ATP5MG: variants seen among roughly 807,000 people sequenced by gnomAD.
ATP5MG encodes the protein ATP synthase membrane subunit g, also known as ATP synthase F(0) complex subunit g, mitochondrial.
A neutral mutation model predicts 12.7 loss-of-function variants in ATP5MG; 7 were observed. That is an observed-to-expected ratio of 0.55 (90% confidence interval 0.31 to 1.04). The LOEUF is 1.04. Among genes scored for constraint, ATP5MG ranks in the 50% least tolerant of loss-of-function variants. The pLI, the probability that ATP5MG is intolerant of heterozygous loss-of-function variation, is 0.05. For missense variants in ATP5MG, 116 were observed against 126.7 expected, an observed-to-expected ratio of 0.92 and a Z score of 0.41; for synonymous variants, 53 against 48.2, an observed-to-expected ratio of 1.10 and a Z score of -0.41.
intron 1 of ATP5MG, among the ~76,000 whole-genome samples, chr11:118,404,361 G>A (rs1359965156): frequency 1.3e-5 from 2 of 152,014 alleles, no homozygotes; most frequent in Non-Finnish European, 2.9e-5. Context: ...ATCCAATCCA[G>A]TGTACCACAT....
chr11:118,401,943 C>A lies in ATP5MG; in HGVS notation c.52+226C>A, dbSNP rs887998694. On this transcript the variant is annotated intron_variant, in intron 1 of 2. Transcript: ENST00000300688. The stretch of plus-strand genomic sequence containing the variant: ...TACACAACCTAGAAGTTCCTGAATT[C>A]TAACCACGACTGGGAAGAGAGGTAG... 12 of 527,288 alleles carry A rather than the reference C, an allele frequency of 2.3e-5. No individual in the cohort carries two copies. In the South Asian group the frequency reaches 3.0e-4, roughly 13 times the overall value. The allele number at this position is 527,288 out of a possible 1,614,324, so 32.7% of individuals were successfully genotyped here. A position where few individuals can be genotyped will look rare whatever the true frequency, so the allele number is the denominator to read the frequency against.
At chr11:118,407,318 A>ATTT in intron 2 of ATP5MG, 1 of 657,866 alleles carries the variant, frequency 1.5e-6, no homozygotes, top group East Asian at 3.5e-5. Flanking sequence ...AAGAGTCTTA[A>ATTT]ACCTAGCAAA....
chr11:118,403,048 A>G (rs910780526), intron 1 of ATP5MG, among the ~76,000 whole-genome samples: 1 of 152,100 alleles, frequency 6.6e-6, no homozygotes, highest in African/African-American at 2.4e-5. Context: ...CAGCCAAACT[A>G]TGAGTTATTG....
Position 118,409,125 on chromosome 11 carries a change from T to A in ATP5MG, c.*27T>A. Reference sequence around the variant, plus strand: ...GACCAATCTTTAACATCTGATTATATTTGATTTATTATTTGAGTGTTGTTG... The same window carrying A: ...GACCAATCTTTAACATCTGATTATAATTGATTTATTATTTGAGTGTTGTTG... On this transcript the variant is annotated 3_prime_UTR_variant, in exon 3 of 3. Transcript: ENST00000300688. The A allele has an allele frequency of 6.7e-7, 1 of 1,493,990 alleles. No homozygotes were observed. The highest frequency in any genetic ancestry group is 9.2e-7 in the Non-Finnish European group (1 of 1,090,304). 92.5% of individuals were successfully genotyped at this position (1,493,990 alleles called of 1,614,324 possible). A position where few individuals can be genotyped will look rare whatever the true frequency, so the allele number is the denominator to read the frequency against.
At chr11:118,405,599 T>C (rs1555131971) in intron 1 of ATP5MG, 2 of 916,562 alleles carry the variant, frequency 2.2e-6, no homozygotes, top group Non-Finnish European at 1.3e-6. Flanking sequence ...GGAGATAATA[T>C]TGACAATTGA....
intron 1 of ATP5MG, among the ~76,000 whole-genome samples, chr11:118,404,751 C>T (rs1363184355): frequency 2.0e-4 from 31 of 152,198 alleles, no homozygotes; most frequent in African/African-American, 7.5e-4. Context: ...AAGCAAATAA[C>T]TAAGCCTATC....
chr11:118,406,597 G>A (rs1948973714), intron 1 of ATP5MG: 1 of 228,400 alleles, frequency 4.4e-6, no homozygotes, highest in Admixed American at 5.0e-5. Context: ...CTGTTCTCTT[G>A]TTTTTAAATC....
intron 1 of ATP5MG, among the ~76,000 whole-genome samples, chr11:118,402,664 G>A (rs1336703105): frequency 2.0e-5 from 3 of 147,460 alleles, no homozygotes; most frequent in African/African-American, 7.5e-5. Flanking sequence ...CTGTGTTTGA[G>A]TTTGGTTTGG....
intron 2 of ATP5MG, among the ~76,000 whole-genome samples, chr11:118,407,810 G>C (rs1948985528): frequency 6.6e-6 from 1 of 151,878 alleles, no homozygotes. Context: ...AGTTAGAGGA[G>C]GCAGTGAGCT....
At position 118,401,845 on chromosome 11, in the gene ATP5MG, G is replaced by C; in HGVS notation, c.52+128G>C. On this transcript the variant is annotated intron_variant, in intron 1 of 2. Transcript: ENST00000300688. ...GGTGCCGGGGCGGGATGGCCTGCAG[G>C]TGGAGGGAGCAGGAAGCAGGTTGGC... 2.6e-6 allele frequency: 3 copies of C among 1,146,514 alleles called. No homozygotes were observed. The South Asian group carries it at 4.7e-5, about 18-fold the overall frequency. 71.0% of individuals were successfully genotyped at this position (1,146,514 alleles called of 1,614,324 possible).
intron 1 of ATP5MG, 165 bp from the exon 2 acceptor site, chr11:118,406,772 T>TG: frequency 9.8e-7 from 1 of 1,021,354 alleles, no homozygotes; most frequent in Non-Finnish European, 1.4e-6. Flanking sequence ...AAGCCTCTTG[T>TG]TACCAGGGAG....
chr11:118,402,307 G>A (rs1327282436), intron 1 of ATP5MG, among the ~76,000 whole-genome samples: 1 of 152,014 alleles, frequency 6.6e-6, no homozygotes, highest in Non-Finnish European at 1.5e-5. Context: ...AGCATAGGAC[G>A]GGATCCGTAT....
At position 118,401,686 on chromosome 11, in the gene ATP5MG, C is replaced by A; in HGVS notation, c.21C>A (p.Asn7Lys). The A allele has an allele frequency of 1.2e-6, 2 of 1,613,988 alleles. No individual in the cohort carries two copies. Among genetic ancestry groups the A allele is most frequent in the South Asian group, 1.1e-5 (1 of 91,080 alleles). The change falls in exon 1 of 3, where the codon AAC becomes AAA. Residue 7 changes from asparagine (N) to lysine (K), a missense_variant. Asn to Lys is a moderately conservative substitution (Grantham distance 94, BLOSUM62 0). Coordinates refer to ENST00000300688, the MANE Select transcript of ATP5MG (RefSeq NM_006476.5). ...GAACCATGGCCCAATTTGTCCGTAA[C>A]CTTGTGGAGAAGACCCCGGCGCTGG... MAQFVR[N>K]LVEKTPALVN... is the part of the protein sequence containing the mutation.
intron 1 of ATP5MG, among the ~76,000 whole-genome samples, chr11:118,403,375 A>G (rs562129945): frequency 6.6e-6 from 1 of 152,270 alleles, no homozygotes; most frequent in African/African-American, 2.4e-5. Context: ...GCATGTCTGT[A>G]ATCGCAGCTA....
chr11:118,403,504 A>T (rs1315168015), intron 1 of ATP5MG, among the ~76,000 whole-genome samples: 3 of 151,248 alleles, frequency 2.0e-5, no homozygotes, highest in Non-Finnish European at 4.4e-5. Flanking sequence ...TCAAAAAAAA[A>T]AAATAATAAT....
chr11:118,408,930 A>AAT (rs373160251), intron 2 of ATP5MG, 70 bp from the exon 3 acceptor site: 18,758 of 397,172 alleles, frequency 0.047, 235 homozygotes, highest in African/African-American at 0.076. Flanking sequence ...AATAGTTTCA[A>AAT]ATATATATAT....
chr11:118,407,286 C>G lies in ATP5MG; in HGVS notation c.213+189C>G, dbSNP rs917077619. 8 of 855,282 alleles carry G rather than the reference C, an allele frequency of 9.4e-6. No homozygotes were observed. The African/African-American group carries it at 1.4e-4, about 15-fold the overall frequency. The allele number at this position is 855,282 out of a possible 1,614,324, so 53.0% of individuals were successfully genotyped here. A position where few individuals can be genotyped will look rare whatever the true frequency, so the allele number is the denominator to read the frequency against. ...TGTCACCTGGGTAGAAATAATTAGC[C>G]CATTTTATGTCTTAGTTTCCTAAGA... On this transcript the variant is annotated intron_variant, in intron 2 of 2. Coordinates refer to ENST00000300688, the MANE Select transcript of ATP5MG (RefSeq NM_006476.5).
intron 2 of ATP5MG, among the ~76,000 whole-genome samples, chr11:118,408,018 C>T (rs781871366): frequency 1.3e-5 from 2 of 152,170 alleles, no homozygotes; most frequent in South Asian, 2.1e-4. Flanking sequence ...AAAACTTAGC[C>T]GGGCGTGGTG....
At chr11:118,404,530 T>C (rs1565546049) in intron 1 of ATP5MG, among the ~76,000 whole-genome samples, 1 of 152,176 alleles carries the variant, frequency 6.6e-6, no homozygotes, top group Non-Finnish European at 1.5e-5. Flanking sequence ...CCTGAAGAAT[T>C]TCCTCAATCT....
Sources: allele counts gnomAD v4.1 joint callset (sites outside exome capture counted in the v4.1 genomes callset), GRCh38; gene constraint gnomAD v4.1.1; transcripts MANE v1.5; gene names NCBI Gene and HGNC (gene_info 2026-07-23, HGNC 2026-07-21).